SSX1: variants seen among roughly 807,000 people sequenced by gnomAD.
SSX1 encodes SSX family member 1, also known as protein SSX1.
Under a neutral mutation model 14.6 loss-of-function variants are expected in SSX1, and 58 were observed. That is an observed-to-expected ratio of 3.96 (90% CI 3.21 to 4.93). The LOEUF (loss-of-function observed/expected upper bound fraction) is 4.93. Among genes scored for constraint, SSX1 ranks in the 30% most tolerant of loss-of-function variants. The pLI is 0.00. For missense variants in SSX1, 272 were observed against 143.1 expected (o/e 1.90, Z -4.60); for synonymous variants, 46 against 52.1 (o/e 0.88, Z 0.50).
At chrX:48,263,055 A>G (rs1556935772) in intron 5 of SSX1, among the ~76,000 whole-genome samples, 1 of 109,567 alleles carries the variant, frequency 9.1e-6, no homozygotes, top group Non-Finnish European at 1.9e-5. Flanking sequence ...AATCGCTTGA[A>G]CCGGGGAGGA....
chrX:48,261,706 T>G, intron 4 of SSX1, 60 bp from the exon 5 acceptor site: 2 of 1,161,386 alleles, frequency 1.7e-6, no homozygotes, highest in Non-Finnish European at 2.4e-6. Context: ...GCAACGGAAG[T>G]CTCTCCAGAG....
intron 4 of SSX1, among the ~76,000 whole-genome samples, chrX:48,259,580 T>G (rs2059596691): frequency 9.0e-6 from 1 of 111,127 alleles, no homozygotes; most frequent in Non-Finnish European, 1.9e-5. Flanking sequence ...TAGGTATATC[T>G]CCCAACGCCA....
At chrX:48,257,654 A>G (rs2059587120) in intron 2 of SSX1, 92 bp from the exon 3 acceptor site, 1 of 1,133,543 alleles carries the variant, frequency 8.8e-7, no homozygotes, top group African/African-American at 1.8e-5. Flanking sequence ...TATCATCCTC[A>G]CTTCCCAGAT....
intron 6 of SSX1, among the ~76,000 whole-genome samples, chrX:48,265,957 T>C (rs1212022148): frequency 2.7e-5 from 3 of 111,705 alleles, no homozygotes; most frequent in African/African-American, 9.8e-5. Context: ...ACTATAAAAA[T>C]GAGGTGCCAT....
intron 6 of SSX1, among the ~76,000 whole-genome samples, chrX:48,264,278 CAT>C (rs1426304314): frequency 1.8e-5 from 2 of 112,123 alleles, no homozygotes; most frequent in Non-Finnish European, 3.8e-5. Flanking sequence ...AACCTGGGAT[CAT>C]ATCTTACTCA....
rs782073790 is a variant in SSX1, at chrX:48,263,896, GAGA to G, written c.449_451del (p.Lys150del). On this transcript the variant is annotated inframe_deletion, in exon 6 of 8. Transcript: ENST00000376919. ...CCCCCCAGGAAAAGCAAATATTTCT[GAGA>G]AGATTAATAAGAGATCTGGTAAGAG... The G allele has an allele frequency of 6.5e-5, 79 of 1,209,545 alleles. No homozygotes were observed. The highest frequency in any genetic ancestry group is 8.4e-5 in the Non-Finnish European group (75 of 895,077).
intron 6 of SSX1, among the ~76,000 whole-genome samples, chrX:48,265,510 A>C (rs1428440139): frequency 8.9e-6 from 1 of 111,744 alleles, no homozygotes; most frequent in Non-Finnish European, 1.9e-5. Context: ...GAGCAGTCAG[A>C]ATACACACAA....
In SSX1 at chrX:48,258,561, C is replaced by A. The variant is rs2059592417; in HGVS notation, c.210C>A (p.Phe70Leu). 8.3e-7 allele frequency: 1 copy of A among 1,206,234 alleles called. No individual in the cohort carries two copies. The highest frequency in any genetic ancestry group is 2.2e-5 in the Admixed American group (1 of 45,369). The part of the protein sequence containing the change: ...KLGFKVTLPP[F>L]MCNKQATDFQ... Reference sequence around the variant, plus strand: ...GTTTCAAAGTCACCCTCCCACCTTTCATGTGTAATAAACAGGCCACAGACT... The same window carrying A: ...GTTTCAAAGTCACCCTCCCACCTTTAATGTGTAATAAACAGGCCACAGACT... Residue 70 changes from phenylalanine to leucine, a missense_variant, in exon 4 of 8, where the codon TTC (phenylalanine) becomes TTA (leucine). By Grantham distance (22) the Phe-to-Leu change is conservative. Coordinates refer to ENST00000376919, the MANE Select transcript of SSX1 (RefSeq NM_005635.4).
intron 4 of SSX1, among the ~76,000 whole-genome samples, chrX:48,260,174 G>A (rs782138876): frequency 0.02 from 2,077 of 101,982 alleles, 25 homozygotes; most frequent in Non-Finnish European, 0.033. Flanking sequence ...TCTCATTGTG[G>A]TTTTGATTTG....
rs370774267 is a variant in SSX1 at position 48,261,794 on chromosome X, G to A, written c.309G>A (p.Arg103=). The change falls in exon 5 of 8, where the codon AGG becomes AGA. Residue 103 remains arginine (R), a synonymous_variant. Coordinates refer to ENST00000376919, the MANE Select transcript of SSX1 (RefSeq NM_005635.4). Reference sequence around the variant, plus strand: ...AACATCCTCAGATGACTTTCGGCAGGCTCCACAGAATCATCCCGAAGGTGA... The same window carrying A: ...AACATCCTCAGATGACTTTCGGCAGACTCCACAGAATCATCCCGAAGGTGA... ...QVEHPQMTFG[R]LHRIIPKIMP... The A allele has an allele frequency of 8.3e-7, 1 of 1,209,206 alleles. No individual in the cohort carries two copies. Among genetic ancestry groups the A allele is most frequent in the Non-Finnish European group, 1.1e-6 (1 of 894,768 alleles).
At chrX:48,256,089 G>C (rs1394824617) in intron 1 of SSX1, among the ~76,000 whole-genome samples, 2 of 104,394 alleles carry the variant, frequency 1.9e-5, no homozygotes, top group Non-Finnish European at 3.9e-5. Flanking sequence ...AACTGGGCTT[G>C]ACCTCCTCGG....
chrX:48,256,177 T>C (rs2059580421), intron 1 of SSX1, among the ~76,000 whole-genome samples: 1 of 106,906 alleles, frequency 9.4e-6, no homozygotes, highest in South Asian at 4.1e-4. Flanking sequence ...TTGTTGTTAT[T>C]ATTAGTAGTA....
At chrX:48,259,629 G>A (rs1477684575) in intron 4 of SSX1, among the ~76,000 whole-genome samples, 2 of 110,354 alleles carry the variant, frequency 1.8e-5, no homozygotes, top group African/African-American at 6.6e-5. Flanking sequence ...AGTCCCCAGA[G>A]TGTGATGTTC....
intron 7 of SSX1, 148 bp downstream of exon 7, chrX:48,266,539 C>A: frequency 9.3e-7 from 1 of 1,070,568 alleles, no homozygotes. Context: ...GATGAGATTT[C>A]CCATGCTCTT....
intron 6 of SSX1, among the ~76,000 whole-genome samples, chrX:48,265,297 G>T (rs782209357): frequency 8.9e-6 from 1 of 112,247 alleles, no homozygotes; most frequent in Admixed American, 9.5e-5. Flanking sequence ...CTTTCATCCT[G>T]TCTCGGCTTT....
In SSX1 at chrX:48,263,844, C is replaced by T. The variant is rs1556935950; in HGVS notation, c.393C>T (p.Gly131=). The T allele has an allele frequency of 1.7e-6, 2 of 1,211,335 alleles. No individual in the cohort carries two copies. Among genetic ancestry groups the T allele is most frequent in the East Asian group, 5.9e-5 (2 of 33,845 alleles). ...NDSKGVSEAS[G]PQNDGKQLHP... is the part of the protein sequence containing the mutation. ...CGAAGGGAGTGTCAGAAGCATCTGG[C>T]CCACAAAACGATGGGAAACAACTGC... Residue 131 remains glycine (G), a synonymous_variant, in exon 6 of 8, where the codon GGC becomes GGT. Transcript: ENST00000376919.
At position 48,257,744 on chromosome X, in the gene SSX1, A is replaced by C. The variant is rs782264223; in HGVS notation, c.70-2A>C. The C allele has an allele frequency of 3.4e-6, 4 of 1,192,353 alleles. No individual in the cohort carries two copies. Among genetic ancestry groups the C allele is most frequent in the Non-Finnish European group, 4.5e-6 (4 of 881,475 alleles). On this transcript the variant is annotated splice_acceptor_variant, in intron 2 of 7. Transcript: ENST00000376919. LOFTEE classifies it high-confidence loss of function. Reference sequence around the variant, plus strand: ...TGACAAATTTTATTTTATTTTTTTTAGGCCTTTGATGATATTGCCACATAC... The same window carrying C: ...TGACAAATTTTATTTTATTTTTTTTCGGCCTTTGATGATATTGCCACATAC...
At position 48,267,354 on chromosome X, in the gene SSX1, C is replaced by T. The variant is rs1642805869; in HGVS notation, c.*505C>T. 5.2e-6 allele frequency: 1 copy of T among 191,322 alleles called. No individual in the cohort carries two copies. Among genetic ancestry groups the T allele is most frequent in the Admixed American group, 6.8e-5 (1 of 14,647 alleles). The allele number at this position is 191,322 out of a possible 1,213,427, so 15.8% of individuals were successfully genotyped here. On this transcript the variant is annotated 3_prime_UTR_variant, in exon 8 of 8. Coordinates refer to ENST00000376919, the MANE Select transcript of SSX1 (RefSeq NM_005635.4). Reference sequence around the variant, plus strand: ...CATTGCCATGCGTCCTGGTCAAGCCCCCCTCACTCTGTTTCCTGTTCAGCA... The same window carrying T: ...CATTGCCATGCGTCCTGGTCAAGCCTCCCTCACTCTGTTTCCTGTTCAGCA...
chrX:48,257,833 A>G lies in SSX1; in HGVS notation c.157A>G (p.Arg53Gly), dbSNP rs782060573. 5.0e-6 allele frequency: 6 copies of G among 1,195,194 alleles called. No homozygotes were observed. Among genetic ancestry groups the G allele is most frequent in the Middle Eastern group, 2.4e-4 (1 of 4,187 alleles). The change falls in exon 3 of 8, where the codon AGA becomes GGA. Residue 53 changes from arginine (R) to glycine (G), a missense_variant. Arg to Gly is a moderately radical substitution (Grantham distance 125). Coordinates refer to ENST00000376919, the MANE Select transcript of SSX1 (RefSeq NM_005635.4). The part of the protein sequence containing the change: ...SEKISYVYMK[R>G]NYKAMTKLGF... ...GAAAATCAGCTATGTGTATATGAAGAGAAACTATAAGGCCATGACTAAACT... is the reference window on the plus strand; with the variant it reads ...GAAAATCAGCTATGTGTATATGAAGGGAAACTATAAGGCCATGACTAAACT...
Sources: gnomAD v4.1 joint callset for allele counts (sites outside exome capture counted in the v4.1 genomes callset) on GRCh38, gnomAD v4.1.1 for gene constraint, MANE v1.5 for transcripts, NCBI Gene and HGNC (gene_info 2026-07-23, HGNC 2026-07-21) for gene names.